The following CRISP1 variants were observed in gnomAD, a reference collection of about 807,000 sequenced individuals.
The protein encoded by CRISP1 is cysteine rich secretory protein 1, also known as cysteine-rich secretory protein 1.
Under a neutral mutation model 33.1 loss-of-function variants are expected in CRISP1, and 44 were observed. The ratio of observed to expected loss-of-function variants is 1.33; its 90% CI spans 1.05 to 1.71. The LOEUF is 1.71. CRISP1 is among the 40% of genes most tolerant of loss of function. The probability of loss-of-function intolerance (pLI) is 0.00; values close to 1 mark genes in which losing one functional copy is unlikely to be tolerated. For synonymous variants in CRISP1, 103 were observed against 98.7 expected (o/e 1.04, Z -0.26); for missense variants, 390 against 301.2 (o/e 1.29, Z -2.18).
chr6:49,858,811 G>A (rs1349063160), intron 1 of CRISP1, among the ~76,000 whole-genome samples: 2 of 152,068 alleles, frequency 1.3e-5, no homozygotes, highest in Non-Finnish European at 2.9e-5. Flanking sequence ...AGATTCTGAG[G>A]GGAGGGGCTT....
chr6:49,835,404 T>A lies in CRISP1; in HGVS notation c.662A>T (p.Asp221Val), dbSNP rs1458478121. 1 of 1,613,608 alleles carries A rather than the reference T, an allele frequency of 6.2e-7. No individual in the cohort carries two copies. The highest frequency in any genetic ancestry group is 1.3e-5 in the African/African-American group (1 of 74,938). Residue 221 changes from aspartate to valine, a missense_variant, in exon 8 of 8, where the codon GAC becomes GTC. Physicochemically the swap from Asp to Val is radical, Grantham distance 152. Coordinates refer to ENST00000335847, the MANE Select transcript of CRISP1 (RefSeq NM_001131.3). ...GCATCCCAGATAATGGACTTGTATG[T>A]CACAGTCGAAGTATTCATCATAGTA... is the stretch of plus-strand genomic sequence containing the variant. ...CIYYDEYFDC[D>V]IQVHYLGCNH...
chr6:49,837,366 T>A (rs888994266), intron 7 of CRISP1, among the ~76,000 whole-genome samples: 5 of 152,176 alleles, frequency 3.3e-5, no homozygotes, highest in African/African-American at 1.2e-4. Context: ...CCACAGACAT[T>A]GCTTTTCTCA....
intron 6 of CRISP1, among the ~76,000 whole-genome samples, chr6:49,838,809 A>ATTGG (rs1479429775): frequency 6.6e-6 from 1 of 152,186 alleles, no homozygotes. Context: ...GGTACTCCCA[A>ATTGG]GTACAAGCAA....
chr6:49,855,235 C>A (rs1771462252), intron 2 of CRISP1, among the ~76,000 whole-genome samples: 2 of 152,088 alleles, frequency 1.3e-5, no homozygotes, highest in Admixed American at 1.3e-4. Context: ...AGCCTCTCTC[C>A]CACTCCGTGA....
intron 6 of CRISP1, among the ~76,000 whole-genome samples, chr6:49,839,256 A>G (rs1770904759): frequency 6.7e-6 from 1 of 148,192 alleles, no homozygotes. Flanking sequence ...GCAAAAAAAA[A>G]GCATCTTCAT....
chr6:49,856,815 T>G (rs1001382520), intron 2 of CRISP1, among the ~76,000 whole-genome samples: 10 of 152,134 alleles, frequency 6.6e-5, no homozygotes, highest in African/African-American at 2.4e-4. Flanking sequence ...TTTGTGACTG[T>G]TAAAGTTATT....
chr6:49,840,504 T>C (rs1228663758), intron 6 of CRISP1, among the ~76,000 whole-genome samples: 2 of 152,218 alleles, frequency 1.3e-5, no homozygotes, highest in Admixed American at 1.3e-4. Context: ...AACAATACTC[T>C]TGTTTTGTTG....
chr6:49,851,500 A>G (rs1771343154), intron 3 of CRISP1, among the ~76,000 whole-genome samples: 1 of 152,202 alleles, frequency 6.6e-6, no homozygotes, highest in South Asian at 2.1e-4. Flanking sequence ...ACCTGGCCAC[A>G]TCAACTAACT....
At chr6:49,848,160 ATTTTT>A in intron 4 of CRISP1, 44 bp downstream of exon 4, 4 of 916,174 alleles carry the variant, frequency 4.4e-6, no homozygotes, top group Non-Finnish European at 6.5e-6. Flanking sequence ...CTGTTTTACT[ATTTTT>A]TTTTTTTTTA....
rs781041571 is a variant in CRISP1, at chr6:49,846,688, T to G, written c.287-20A>C. ...AGGTATCTGAAATGAGAAAACGGGC[T>G]GGGTCATACTCTGAACAAATGGGAA... On this transcript the variant is annotated intron_variant, in intron 4 of 7. Transcript: ENST00000335847. 1.2e-6 allele frequency: 2 copies of G among 1,611,506 alleles called. No individual in the cohort carries two copies. The highest frequency in any genetic ancestry group is 2.2e-5 in the South Asian group (2 of 90,720).
Position 49,846,659 on chromosome 6 carries a change from CA to C in CRISP1, c.295del (p.Cys99ValfsTer7). On this transcript the variant is annotated frameshift_variant, in exon 5 of 8. Coordinates refer to ENST00000335847, the MANE Select transcript of CRISP1 (RefSeq NM_001131.3). LOFTEE classifies it high-confidence loss of function. ...AGATGTCATATGCATATTTTCTCCACAAAAGGTATCTGAAATGAGAAAACGG... is the reference window on the plus strand; with the variant it reads ...AGATGTCATATGCATATTTTCTCCACAAAGGTATCTGAAATGAGAAAACGG... ...PLERRLPNTFCGENMHMTSYP... is the reference protein window; with the variant it reads ...PLERRLPNTFXGENMHMTSYP... The C allele has an allele frequency of 6.2e-7, 1 of 1,613,124 alleles. No homozygotes were observed. Among genetic ancestry groups the C allele is most frequent in the Non-Finnish European group, 8.5e-7 (1 of 1,179,494 alleles).
intron 3 of CRISP1, among the ~76,000 whole-genome samples, chr6:49,850,820 T>C (rs772692209): frequency 2.0e-5 from 3 of 152,128 alleles, no homozygotes; most frequent in Non-Finnish European, 2.9e-5. Context: ...ACTCTGTTTG[T>C]ACCTCCTAGG....
intron 1 of CRISP1, among the ~76,000 whole-genome samples, chr6:49,863,731 C>T (rs1404387043): frequency 6.6e-6 from 1 of 152,206 alleles, no homozygotes; most frequent in Non-Finnish European, 1.5e-5. Flanking sequence ...AATGCACTCT[C>T]ATAGAATCAA....
In CRISP1 at chr6:49,857,199, A is replaced by T; in HGVS notation, c.66+136T>A. ...GTATTAAGATGAGTACTTGCCTAAC[A>T]GGGCTATTGTGAAAACAAAGTGAGT... On this transcript the variant is annotated intron_variant, in intron 2 of 7. Coordinates refer to ENST00000335847, the MANE Select transcript of CRISP1 (RefSeq NM_001131.3). The T allele has an allele frequency of 4.2e-6, 3 of 717,030 alleles. No homozygotes were observed. The South Asian group carries it at 5.7e-5, about 14-fold the overall frequency. The allele number at this position is 717,030 out of a possible 1,614,324, so 44.4% of individuals were successfully genotyped here. A position where few individuals can be genotyped will look rare whatever the true frequency, so the allele number is the denominator to read the frequency against.
At chr6:49,860,585 C>T (rs972242526) in intron 1 of CRISP1, among the ~76,000 whole-genome samples, 14 of 152,186 alleles carry the variant, frequency 9.2e-5, no homozygotes, top group Non-Finnish European at 1.2e-4. Context: ...AATTGAAACA[C>T]AGCATACCAA....
At chr6:49,846,985 G>A (rs1771195427) in intron 4 of CRISP1, among the ~76,000 whole-genome samples, 1 of 152,130 alleles carries the variant, frequency 6.6e-6, no homozygotes. Context: ...AGTGCTAACA[G>A]GGTCTATGGC....
chr6:49,839,723 T>G (rs1212123895), intron 6 of CRISP1, among the ~76,000 whole-genome samples: 1 of 152,176 alleles, frequency 6.6e-6, no homozygotes, highest in Non-Finnish European at 1.5e-5. Flanking sequence ...TGTACTTTTC[T>G]TTTTTGGATC....
At chr6:49,841,820 C>CTCTGAGTTTCATTT (rs1770999792) in intron 5 of CRISP1, among the ~76,000 whole-genome samples, 1 of 152,162 alleles carries the variant, frequency 6.6e-6, no homozygotes, top group African/African-American at 2.4e-5. Context: ...TGCTTTATGC[C>CTCTGAGTTTCATTT]TCTGAGTTTC....
chr6:49,849,062 C>T (rs1220376352), intron 3 of CRISP1, among the ~76,000 whole-genome samples: 1 of 152,100 alleles, frequency 6.6e-6, no homozygotes, highest in Non-Finnish European at 1.5e-5. Flanking sequence ...CAGTGTGCAT[C>T]AACTGTGCTG....
Sources: gnomAD v4.1 joint callset for allele counts (sites outside exome capture counted in the v4.1 genomes callset) on GRCh38, gnomAD v4.1.1 for gene constraint, MANE v1.5 for transcripts, NCBI Gene and HGNC (gene_info 2026-07-23, HGNC 2026-07-21) for gene names.